The following RORA variants were observed in gnomAD, a reference collection of about 807,000 sequenced individuals.
RORA encodes the protein nuclear receptor ROR-alpha.
A neutral mutation model predicts 69.5 loss-of-function variants in RORA; 7 were observed. The ratio of observed to expected loss-of-function variants is 0.10; its 90% CI spans 0.06 to 0.19. The LOEUF (loss-of-function observed/expected upper bound fraction) is 0.19. Among genes scored for constraint, RORA ranks in the 10% least tolerant of loss-of-function variants. The probability of loss-of-function intolerance (pLI) is 1.00; values close to 1 mark genes in which losing one functional copy is unlikely to be tolerated. For synonymous variants in RORA, 261 were observed against 240.8 expected, an observed-to-expected ratio of 1.08 and a Z score of -0.78; for missense variants, 457 against 663.0, an observed-to-expected ratio of 0.69 and a Z score of 3.41.
intron 2 of RORA, among the ~76,000 whole-genome samples, chr15:60,660,072 T>A (rs902395097): frequency 2.6e-5 from 4 of 151,950 alleles, no homozygotes; most frequent in Non-Finnish European, 5.9e-5. Flanking sequence ...CATCTAAAAA[T>A]TTTTTTTTCT....
intron 1 of RORA, among the ~76,000 whole-genome samples, chr15:60,855,932 T>A (rs1364396408): frequency 3.9e-5 from 6 of 152,170 alleles, no homozygotes; most frequent in Non-Finnish European, 7.3e-5. Flanking sequence ...CTTATTTTTT[T>A]AAAAAGCATT....
intron 1 of RORA, among the ~76,000 whole-genome samples, chr15:60,858,082 G>C (rs992670758): frequency 2.6e-5 from 4 of 152,208 alleles, no homozygotes; most frequent in Non-Finnish European, 5.9e-5. Flanking sequence ...GTGTTGCTAT[G>C]AGGATTAATT....
chr15:60,581,261 G>T (rs989095601), intron 2 of RORA, among the ~76,000 whole-genome samples: 2 of 152,196 alleles, frequency 1.3e-5, no homozygotes, highest in Non-Finnish European at 2.9e-5. Context: ...AGGGGGCTTA[G>T]AAAGACTGCC....
chr15:60,787,384 G>C (rs2072351698), intron 1 of RORA, among the ~76,000 whole-genome samples: 2 of 152,328 alleles, frequency 1.3e-5, no homozygotes, highest in Admixed American at 1.3e-4. Context: ...CACTAACTGT[G>C]GCATTTCTTC....
intron 2 of RORA, among the ~76,000 whole-genome samples, chr15:60,562,434 G>T (rs111727059): frequency 1.7e-4 from 25 of 148,892 alleles, no homozygotes; most frequent in African/African-American, 2.7e-4. Flanking sequence ...GCGGGGTTGG[G>T]GGGGGGTTGC....
At chr15:60,937,313 T>TAAA (rs1892554973) in intron 1 of RORA, among the ~76,000 whole-genome samples, 1 of 152,160 alleles carries the variant, frequency 6.6e-6, no homozygotes, top group African/African-American at 2.4e-5. Context: ...TGGTTGTTGT[T>TAAA]TAAGAGTATT....
intron 4 of RORA, chr15:60,512,040 A>G (rs1342591942): frequency 1.1e-5 from 2 of 177,256 alleles, no homozygotes; most frequent in African/African-American, 4.8e-5. Flanking sequence ...CACAGGGTTC[A>G]TCAAGGAATA....
chr15:60,716,429 A>G (rs1023576725), intron 1 of RORA, among the ~76,000 whole-genome samples: 1 of 152,202 alleles, frequency 6.6e-6, no homozygotes, highest in South Asian at 2.1e-4. Flanking sequence ...AAAGCATGCA[A>G]ACTTGGGTTT....
Position 60,562,762 on chromosome 15 carries a change from G to A in RORA, c.197-30911C>T, listed in dbSNP as rs556455222. Among the ~76,000 whole-genome samples the A allele has an allele frequency of 3.3e-5, 5 of 151,972 alleles. No homozygotes were observed. The South Asian group carries it at 1.0e-3, about 32-fold the overall frequency. On this transcript the variant is annotated intron_variant, in intron 2 of 10. Transcript: ENST00000335670. The stretch of plus-strand genomic sequence containing the variant: ...TGCCTGGCTTTGAATTTTTTGTAGA[G>A]ATAGGGGTCTTGCTATGTTGCCCAG...
At chr15:61,153,656 G>A (rs1430778874) in intron 1 of RORA, among the ~76,000 whole-genome samples, 1 of 152,208 alleles carries the variant, frequency 6.6e-6, no homozygotes, top group East Asian at 1.9e-4. Context: ...TGCATGAGGG[G>A]ATTTGGGCAT....
intron 1 of RORA, among the ~76,000 whole-genome samples, chr15:60,962,136 C>A (rs1281792360): frequency 6.6e-6 from 1 of 152,248 alleles, no homozygotes; most frequent in East Asian, 1.9e-4. Context: ...TAAAGTTGAG[C>A]TTTCTTCTTC....
intron 1 of RORA, among the ~76,000 whole-genome samples, chr15:60,900,226 T>G (rs1891348889): frequency 6.6e-6 from 1 of 152,242 alleles, no homozygotes; most frequent in African/African-American, 2.4e-5. Flanking sequence ...GGAAATGATT[T>G]AGTCACATCA....
chr15:60,542,101 T>C (rs934078194), intron 2 of RORA, among the ~76,000 whole-genome samples: 1 of 152,212 alleles, frequency 6.6e-6, no homozygotes, highest in African/African-American at 2.4e-5. Context: ...TCTTTCTAAT[T>C]TGCAGTAAAA....
At chr15:61,194,545 A>C (rs1414916195) in intron 1 of RORA, among the ~76,000 whole-genome samples, 1 of 151,150 alleles carries the variant, frequency 6.6e-6, no homozygotes, top group Admixed American at 6.6e-5. Flanking sequence ...CCTAGGAGGA[A>C]AAAAAAAAAA....
intron 1 of RORA, among the ~76,000 whole-genome samples, chr15:60,862,489 G>A (rs1244513075): frequency 6.6e-6 from 1 of 152,226 alleles, no homozygotes; most frequent in Non-Finnish European, 1.5e-5. Context: ...TAGTCTTGTG[G>A]ATCAAGGCAC....
chr15:60,726,153 G>A (rs573881748), intron 1 of RORA, among the ~76,000 whole-genome samples: 25 of 152,140 alleles, frequency 1.6e-4, no homozygotes, highest in African/African-American at 3.6e-4. Context: ...GTGTGACTCC[G>A]GGTTTACCTG....
chr15:61,069,401 G>A (rs1383375485), intron 1 of RORA, among the ~76,000 whole-genome samples: 1 of 151,994 alleles, frequency 6.6e-6, no homozygotes, highest in African/African-American at 2.4e-5. Flanking sequence ...GGAGAAAAAA[G>A]CAAAAAGAAA....
At chr15:60,521,333 CT>C (rs2066160773) in intron 3 of RORA, among the ~76,000 whole-genome samples, 1 of 151,644 alleles carries the variant, frequency 6.6e-6, no homozygotes, top group Admixed American at 6.6e-5. Context: ...CCTCTGCCTC[CT>C]GGGTTCAAGT....
intron 2 of RORA, chr15:60,627,194 A>G (rs796472634): frequency 3.2e-6 from 5 of 1,577,064 alleles, no homozygotes; most frequent in Non-Finnish European, 3.5e-6. Context: ...GGGAGGGTAC[A>G]CAGTGATCAG....
Sources: allele counts gnomAD v4.1 joint callset (sites outside exome capture counted in the v4.1 genomes callset), GRCh38; gene constraint gnomAD v4.1.1; transcripts MANE v1.5; gene names NCBI Gene and HGNC (gene_info 2026-07-23, HGNC 2026-07-21).